Variants in PCDH15 observed in about 807,000 individuals in gnomAD.
PCDH15 encodes protocadherin related 15.
In PCDH15, 129 loss-of-function variants were observed where a neutral mutation model predicts 178.5. The observed-to-expected ratio is 0.72, with a 90% confidence interval of 0.63 to 0.84. The LOEUF (loss-of-function observed/expected upper bound fraction) is 0.84. Among genes scored for constraint, PCDH15 ranks in the 40% least tolerant of loss-of-function variants. PCDH15 has a pLI of 0.00. For synonymous variants in PCDH15, 800 were observed against 732.0 expected (o/e 1.09, Z -1.50); for missense variants, 2,230 against 2,099.9 (o/e 1.06, Z -1.21).
chr10:55,399,014 T>C (rs759876388), intron 2 of PCDH15, among the ~76,000 whole-genome samples: 4 of 152,162 alleles, frequency 2.6e-5, no homozygotes, highest in African/African-American at 4.8e-5. Flanking sequence ...ATGAACAAGT[T>C]ATCTATATGG....
At chr10:55,533,272 T>C (rs1841496022) in intron 2 of PCDH15, among the ~76,000 whole-genome samples, 2 of 152,008 alleles carry the variant, frequency 1.3e-5, no homozygotes, top group Non-Finnish European at 2.9e-5. Flanking sequence ...AAATAGAAAG[T>C]TCTCTTCTCA....
chr10:54,854,858 G>A (rs1591744560), intron 3 of PCDH15, among the ~76,000 whole-genome samples: 1 of 152,284 alleles, frequency 6.6e-6, no homozygotes, highest in East Asian at 1.9e-4. Context: ...GCACTCCCTG[G>A]CCTGAAGGTG....
chr10:54,788,939 C>T (rs1334207346), intron 1 of PCDH15, among the ~76,000 whole-genome samples: 2 of 151,750 alleles, frequency 1.3e-5, no homozygotes, highest in Admixed American at 6.6e-5. Context: ...AATCAAGGTC[C>T]TCTAGAAACT....
chr10:54,655,252 A>AAGAAAGAG (rs200757931), intron 2 of PCDH15, among the ~76,000 whole-genome samples: 1 of 46,338 alleles, frequency 2.2e-5, no homozygotes, highest in East Asian at 6.4e-4. Flanking sequence ...GAAAGAAAGA[A>AAGAAAGAG]AGAAAGAGAG....
chr10:54,787,791 A>G (rs1951029966), intron 1 of PCDH15, among the ~76,000 whole-genome samples: 2 of 152,104 alleles, frequency 1.3e-5, no homozygotes, highest in South Asian at 4.1e-4. Context: ...TCCCAAATTC[A>G]TGTTTGAGCC....
chr10:55,113,627 T>C (rs1362251091), intron 2 of PCDH15, among the ~76,000 whole-genome samples: 1 of 152,194 alleles, frequency 6.6e-6, no homozygotes, highest in Non-Finnish European at 1.5e-5. Flanking sequence ...AGACTCCTTA[T>C]ACTGTGTTAA....
chr10:54,008,473 T>C (rs145807570), intron 20 of PCDH15, among the ~76,000 whole-genome samples: 219 of 152,286 alleles, frequency 1.4e-3, no homozygotes, highest in African/African-American at 5.0e-3. Flanking sequence ...GAATGAGGGT[T>C]ACTTAGGGCA....
At chr10:54,656,173 G>A (rs187168361) in intron 2 of PCDH15, 40 of 152,076 alleles carry the variant, frequency 2.6e-4, no homozygotes, top group African/African-American at 8.4e-4. Flanking sequence ...GCTAGTTCTC[G>A]GAAAGATCAA....
At chr10:55,376,114 C>T (rs537969574) in intron 2 of PCDH15, among the ~76,000 whole-genome samples, 44 of 151,776 alleles carry the variant, frequency 2.9e-4, no homozygotes, top group Non-Finnish European at 4.9e-4. Flanking sequence ...TAACTATTTC[C>T]TAATATTTAA....
intron 8 of PCDH15, among the ~76,000 whole-genome samples, chr10:54,251,853 T>TA (rs1307363402): frequency 6.6e-6 from 1 of 152,296 alleles, no homozygotes; most frequent in East Asian, 1.9e-4. Flanking sequence ...TATCTTTATT[T>TA]AACTTTCAAT....
intron 2 of PCDH15, among the ~76,000 whole-genome samples, chr10:54,933,125 A>G (rs1403068916): frequency 6.6e-6 from 1 of 152,230 alleles, no homozygotes; most frequent in East Asian, 1.9e-4. Flanking sequence ...AAATTATACC[A>G]TATAGCCTAT....
At chr10:54,519,473 G>C (rs535037891) in intron 3 of PCDH15, among the ~76,000 whole-genome samples, 60 of 152,272 alleles carry the variant, frequency 3.9e-4, no homozygotes, top group Non-Finnish European at 7.8e-4. Flanking sequence ...TTGCTTCAAA[G>C]AGAATAAAAT....
rs563412171 is a variant in PCDH15, at chr10:54,219,579, C to G, written c.986-5531G>C. 3.5e-5 allele frequency among the ~76,000 whole-genome samples: 3 copies of G among 85,974 alleles called. 1 individual carries two copies. The South Asian group carries it at 1.3e-3, about 36-fold the overall frequency. 56.4% of individuals were successfully genotyped at this position (85,974 alleles called of 152,430 possible). ...CTGCACTCCAGCTTGGGTAACAGAA[C>G]AAGACTCCATCTCAAAAAAAAAAAA... On this transcript the variant is annotated intron_variant, in intron 9 of 37. Coordinates refer to ENST00000644397, the MANE Select transcript of PCDH15 (RefSeq NM_001384140.1).
intron 3 of PCDH15, among the ~76,000 whole-genome samples, chr10:54,396,465 T>C (rs1239808561): frequency 6.6e-6 from 1 of 152,126 alleles, no homozygotes; most frequent in East Asian, 1.9e-4. Context: ...CCATTCCAAC[T>C]AATACTTTAT....
chr10:55,068,497 C>T (rs1290005732), intron 2 of PCDH15, among the ~76,000 whole-genome samples: 1 of 152,050 alleles, frequency 6.6e-6, no homozygotes, highest in Non-Finnish European at 1.5e-5. Flanking sequence ...TCACCATAGG[C>T]GTGCACTATG....
At chr10:54,980,729 T>C (rs1031819378) in intron 2 of PCDH15, among the ~76,000 whole-genome samples, 1 of 152,110 alleles carries the variant, frequency 6.6e-6, no homozygotes, top group Non-Finnish European at 1.5e-5. Flanking sequence ...TTCAATCAAA[T>C]TCATTCATAA....
intron 2 of PCDH15, among the ~76,000 whole-genome samples, chr10:54,647,888 C>T (rs139388458): frequency 2.3e-3 from 345 of 152,094 alleles, no homozygotes; most frequent in African/African-American, 7.9e-3. Context: ...GTTTCTTACT[C>T]CTTCTTCCCT....
intron 2 of PCDH15, among the ~76,000 whole-genome samples, chr10:55,082,037 A>G (rs1374124953): frequency 6.6e-6 from 1 of 152,156 alleles, no homozygotes; most frequent in Non-Finnish European, 1.5e-5. Context: ...AAAGCAAAAA[A>G]AGAAACATTG....
At chr10:54,723,611 C>A (rs1265407170) in intron 1 of PCDH15, among the ~76,000 whole-genome samples, 1 of 151,564 alleles carries the variant, frequency 6.6e-6, no homozygotes, top group East Asian at 1.9e-4. Flanking sequence ...AAACAGATAA[C>A]CTAAACAATG....
Sources: allele counts gnomAD v4.1 joint callset (sites outside exome capture counted in the v4.1 genomes callset), GRCh38; gene constraint gnomAD v4.1.1; transcripts MANE v1.5; gene names NCBI Gene and HGNC (gene_info 2026-07-23, HGNC 2026-07-21).